DEGS2: variants seen among roughly 807,000 people sequenced by gnomAD.
DEGS2 encodes delta 4-desaturase, sphingolipid 2.
In DEGS2, 19 loss-of-function variants were observed where a neutral mutation model predicts 23.8. That is an observed-to-expected ratio of 0.80 (90% confidence interval 0.56 to 1.17). DEGS2 has a LOEUF of 1.17. DEGS2 is among the 50% of genes most tolerant of loss of function. The pLI is 0.00. For synonymous variants in DEGS2, 218 were observed against 213.7 expected, an observed-to-expected ratio of 1.02 and a Z score of -0.18; for missense variants, 390 against 459.5, an observed-to-expected ratio of 0.85 and a Z score of 1.38.
chr14:100,162,277 C>G (rs957634176), upstream of DEGS2, among the ~76,000 whole-genome samples: 7 of 151,952 alleles, frequency 4.6e-5, no homozygotes, highest in South Asian at 1.2e-3. Context: ...ACCCGGGAGG[C>G]GGAGCTTGCA....
At chr14:100,163,551 G>A (rs1247920177), upstream of DEGS2, among the ~76,000 whole-genome samples, 1 of 152,192 alleles carries the variant, frequency 6.6e-6, no homozygotes, top group Non-Finnish European at 1.5e-5. Flanking sequence ...CGGCCTCATA[G>A]CCAGACTGCT....
intron 2 of DEGS2, among the ~76,000 whole-genome samples, chr14:100,148,312 G>A (rs1200790280): frequency 1.3e-5 from 2 of 152,186 alleles, no homozygotes; most frequent in East Asian, 1.9e-4. Context: ...TCAGGCGCTC[G>A]AACACCTCCC....
At chr14:100,148,510 C>G (rs1282890094) in intron 2 of DEGS2, among the ~76,000 whole-genome samples, 2 of 152,220 alleles carry the variant, frequency 1.3e-5, no homozygotes, top group South Asian at 2.1e-4. Flanking sequence ...ATACCCGGGG[C>G]TTCCACTCCC....
chr14:100,165,439 G>T, the DEGS2 span, among the ~76,000 whole-genome samples: 1 of 152,374 alleles, frequency 6.6e-6, no homozygotes, highest in South Asian at 2.1e-4. Context: ...TGAGAACTGT[G>T]AGTGACAAAC....
upstream of DEGS2, among the ~76,000 whole-genome samples, chr14:100,164,192 C>T (rs997859383): frequency 3.2e-4 from 48 of 152,112 alleles, 1 homozygote; most frequent in Non-Finnish European, 4.4e-4. Context: ...CTCGGCCTCC[C>T]AAAGTGCTGG....
Position 100,144,124 on chromosome 14 carries a change from C to CA in DEGS2, c.*2636dup. 1 of 297,220 alleles carries CA rather than the reference C, an allele frequency of 3.4e-6. No homozygotes were observed. Among genetic ancestry groups the CA allele is most frequent in the Middle Eastern group, 1.1e-3 (1 of 902 alleles). 18.4% of individuals were successfully genotyped at this position (297,220 alleles called of 1,614,324 possible). ...GCCGGCCCAGCGTGGCGCCACCACA[C>CA]ACCGCAGAGCTGTCCAGGCACAGCT... On this transcript the variant is annotated 3_prime_UTR_variant, in exon 3 of 3. Coordinates refer to ENST00000305631, the MANE Select transcript of DEGS2 (RefSeq NM_206918.3).
intron 1 of DEGS2, among the ~76,000 whole-genome samples, chr14:100,156,653 C>T (rs1287340821): frequency 6.6e-6 from 1 of 152,186 alleles, no homozygotes; most frequent in East Asian, 1.9e-4. Context: ...CCCCAAAGAG[C>T]CCAGAGCCCA....
upstream of DEGS2, among the ~76,000 whole-genome samples, chr14:100,162,461 G>A (rs1467561650): frequency 1.3e-5 from 2 of 152,186 alleles, no homozygotes; most frequent in Non-Finnish European, 2.9e-5. Context: ...TTGGGAAGTC[G>A]AGGCAGGCAG....
chr14:100,152,387 G>A (rs1484227900), intron 1 of DEGS2, among the ~76,000 whole-genome samples: 1 of 152,176 alleles, frequency 6.6e-6, no homozygotes, highest in Non-Finnish European at 1.5e-5. Flanking sequence ...GAGAGCTATG[G>A]AGCATTATTT....
Position 100,146,770 on chromosome 14 carries a change from A to G in DEGS2, c.963T>C (p.Asp321=), listed in dbSNP as rs774365308. ...RVKRVYRLAK[D]GL Reference sequence around the variant, plus strand: ...AGGAGGCAGCCCGGGCTCACAGACCATCTTTTGCCAGCCTGTACACCCGCT... The same window carrying G: ...AGGAGGCAGCCCGGGCTCACAGACCGTCTTTTGCCAGCCTGTACACCCGCT... Residue 321 remains aspartate, a synonymous_variant, in exon 3 of 3, where the codon GAT becomes GAC. Transcript: ENST00000305631. The G allele has an allele frequency of 1.4e-5, 22 of 1,613,446 alleles. No individual in the cohort carries two copies. Among genetic ancestry groups the G allele is most frequent in the Non-Finnish European group, 1.6e-5 (19 of 1,179,726 alleles).
intron 2 of DEGS2, among the ~76,000 whole-genome samples, chr14:100,147,728 G>A (rs1020851922): frequency 1.5e-4 from 20 of 137,310 alleles, no homozygotes; most frequent in African/African-American, 4.9e-4. Context: ...CTCTCAGGAC[G>A]CAGGGAGCCT....
chr14:100,159,332 GGGGGACCCTC>G (rs1208887145), intron 1 of DEGS2, among the ~76,000 whole-genome samples, 164 bp downstream of exon 1: 1 of 152,202 alleles, frequency 6.6e-6, no homozygotes, highest in African/African-American at 2.4e-5. Context: ...CGGCCAGGGT[GGGGGACCCTC>G]GGGGAGCCGG....
At chr14:100,154,355 CAA>C (rs5810980) in intron 1 of DEGS2, among the ~76,000 whole-genome samples, 67,513 of 138,206 alleles carry the variant, frequency 0.49, 18,042 homozygotes, top group African/African-American at 0.74. Flanking sequence ...CAAAGCGTCT[CAA>C]AAAAAAAAAA....
At chr14:100,159,471 G>GGTCCCC in intron 1 of DEGS2, 35 bp downstream of exon 1, 1 of 1,443,522 alleles carries the variant, frequency 6.9e-7, no homozygotes, top group Non-Finnish European at 9.1e-7. Flanking sequence ...CCAACGGGGC[G>GGTCCCC]GTCCCCACCG....
rs533483603 is a variant in DEGS2, at chr14:100,147,612, C to T, written c.826-705G>A. ...ACCACCACGCCGCCCCACTGCTCAA[C>T]GGCATGCAGCCTTGGCCCAGCTCCC... On this transcript the variant is annotated intron_variant, in intron 2 of 2. Coordinates refer to ENST00000305631, the MANE Select transcript of DEGS2 (RefSeq NM_206918.3). Among the ~76,000 whole-genome samples, 4 of 151,472 alleles carry T rather than the reference C, an allele frequency of 2.6e-5. No homozygotes were observed. In the South Asian group the frequency reaches 8.3e-4, roughly 32 times the overall value.
At chr14:100,147,887 G>A (rs1040914491) in intron 2 of DEGS2, among the ~76,000 whole-genome samples, 13 of 151,842 alleles carry the variant, frequency 8.6e-5, no homozygotes, top group East Asian at 1.9e-4. Flanking sequence ...CCTCCGCCCC[G>A]TCACCTCCTG....
In DEGS2 at chr14:100,147,312, C is replaced by T. The variant is rs568066547; in HGVS notation, c.826-405G>A. On this transcript the variant is annotated intron_variant, in intron 2 of 2. Coordinates refer to ENST00000305631, the MANE Select transcript of DEGS2 (RefSeq NM_206918.3). ...TTCATTGCACCACTCCACTCGGCCC[C>T]GCCTTCTGACCCGGCAGACCCCACT... 2.4e-3 allele frequency among the ~76,000 whole-genome samples: 360 copies of T among 152,300 alleles called. 1 individual carries two copies. The highest frequency in any genetic ancestry group is 8.4e-3 in the African/African-American group (351 of 41,560).
At position 100,159,608 on chromosome 14, in the gene DEGS2, T is replaced by C. The variant is rs1297197299; in HGVS notation, c.-21A>G. 1 of 1,434,912 alleles carries C rather than the reference T, an allele frequency of 7.0e-7. No homozygotes were observed. Among genetic ancestry groups the C allele is most frequent in the Non-Finnish European group, 9.2e-7 (1 of 1,090,040 alleles). 88.9% of individuals were successfully genotyped at this position (1,434,912 alleles called of 1,614,324 possible). A position where few individuals can be genotyped will look rare whatever the true frequency, so the allele number is the denominator to read the frequency against. On this transcript the variant is annotated 5_prime_UTR_variant, in exon 1 of 3. Coordinates refer to ENST00000305631, the MANE Select transcript of DEGS2 (RefSeq NM_206918.3). ...CCCATGGTGGGGCGGGAGGCGCCGT[T>C]CGGAGCGCGGCCGGCTCGGCTCTGC...
At chr14:100,166,169 G>A in the DEGS2 span, among the ~76,000 whole-genome samples, 1 of 90,474 alleles carries the variant, frequency 1.1e-5, no homozygotes, top group Non-Finnish European at 2.5e-5. Flanking sequence ...GTCTGGGGGA[G>A]TGGGGGGAGC....
Sources: allele counts gnomAD v4.1 joint callset (sites outside exome capture counted in the v4.1 genomes callset), GRCh38; gene constraint gnomAD v4.1.1; transcripts MANE v1.5; gene names NCBI Gene and HGNC (gene_info 2026-07-23, HGNC 2026-07-21).